The following NT5E variants were observed in gnomAD, a reference collection of about 807,000 sequenced individuals.
NT5E encodes the protein 5'-nucleotidase ecto, also known as 5'-nucleotidase.
A neutral mutation model predicts 55.1 loss-of-function variants in NT5E; 53 were observed. That is an observed-to-expected ratio of 0.96 (90% CI 0.77 to 1.21). NT5E has a LOEUF of 1.21. Among genes scored for constraint, NT5E ranks in the 50% most tolerant of loss-of-function variants. The pLI is 0.00. For missense variants in NT5E, 683 were observed against 724.3 expected (o/e 0.94, Z 0.65); for synonymous variants, 270 against 278.4 (o/e 0.97, Z 0.30).
chr6:85,459,765 G>A (rs1323050397), intron 1 of NT5E, among the ~76,000 whole-genome samples: 1 of 152,156 alleles, frequency 6.6e-6, no homozygotes, highest in East Asian at 1.9e-4. Flanking sequence ...CACCTTCTGG[G>A]GGTATTTGTC....
At chr6:85,466,691 G>A (rs1391720183) in intron 1 of NT5E, among the ~76,000 whole-genome samples, 1 of 152,126 alleles carries the variant, frequency 6.6e-6, no homozygotes, top group Non-Finnish European at 1.5e-5. Flanking sequence ...CCAGCAGATC[G>A]CGGCTTGAAT....
chr6:85,458,219 C>T lies in NT5E; in HGVS notation c.339+7741C>T, dbSNP rs1769024548. 3.3e-5 allele frequency among the ~76,000 whole-genome samples: 5 copies of T among 152,234 alleles called. 1 individual carries two copies. In the South Asian group the frequency reaches 1.0e-3, roughly 32 times the overall value. On this transcript the variant is annotated intron_variant, in intron 1 of 8. Transcript: ENST00000257770. ...GAAAGAGAGATTCTGTTTGCAATGA[C>T]ACTTTTAAAAAGGCAACAACAACCA...
At position 85,471,384 on chromosome 6, in the gene NT5E, A is replaced by T. The variant is rs1213570352; in HGVS notation, c.710A>T (p.Asp237Val). ...ATCGCTCAGAAAGTGAGGGGTGTGG[A>T]CGTCGTGGTGGGAGGACACTCCAAC... ...KLIAQKVRGV[D>V]VVVGGHSNTF... Residue 237 changes from aspartate to valine, a missense_variant, in exon 3 of 9, where the codon GAC becomes GTC. Physicochemically the swap from Asp to Val is radical, Grantham distance 152 (BLOSUM62 -3). Transcript: ENST00000257770. 6.2e-7 allele frequency: 1 copy of T among 1,612,864 alleles called. No individual in the cohort carries two copies. The highest frequency in any genetic ancestry group is 1.3e-5 in the African/African-American group (1 of 74,904).
At position 85,487,395 on chromosome 6, in the gene NT5E, A is replaced by G. The variant is rs1228859338; in HGVS notation, c.1010A>G (p.Gln337Arg). 1.2e-6 allele frequency: 2 copies of G among 1,613,938 alleles called. No homozygotes were observed. The highest frequency in any genetic ancestry group is 1.7e-6 in the Non-Finnish European group (2 of 1,179,778). ...WRIKLDNYSTQELGKTIVYLD... is the reference protein window; with the variant it reads ...WRIKLDNYSTRELGKTIVYLD... ...ATAAAATTGGATAATTATTCTACCC[A>G]GGAATTAGGGAAAACAATTGTCTAT... The change falls in exon 5 of 9, where the codon CAG becomes CGG. Residue 337 changes from glutamine to arginine, a missense_variant. By Grantham distance (43) the Gln-to-Arg change is conservative. Transcript: ENST00000257770.
intron 1 of NT5E, among the ~76,000 whole-genome samples, chr6:85,457,492 A>T (rs1357072359): frequency 1.3e-5 from 2 of 152,072 alleles, no homozygotes; most frequent in Non-Finnish European, 2.9e-5. Flanking sequence ...CTAAGTTTGC[A>T]TGACAACTCT....
chr6:85,480,980 T>C (rs1371088170), intron 3 of NT5E, among the ~76,000 whole-genome samples: 8 of 152,138 alleles, frequency 5.3e-5, no homozygotes, highest in Non-Finnish European at 1.2e-4. Flanking sequence ...CCCACCCAGC[T>C]GCATAGTTGA....
rs1364714736 is a variant in NT5E at position 85,495,450 on chromosome 6, T to C, written c.*1446T>C. ...GGAAGTATGTTTGTTTCTTAGTGTT[T>C]ACAAATATTAAGTACTCTTGATACA... On this transcript the variant is annotated 3_prime_UTR_variant, in exon 9 of 9. Transcript: ENST00000257770. The C allele has an allele frequency of 3.9e-5, 6 of 152,240 alleles. No individual in the cohort carries two copies. The highest frequency in any genetic ancestry group is 1.4e-4 in the African/African-American group (6 of 41,470). 9.4% of individuals were successfully genotyped at this position (152,240 alleles called of 1,614,324 possible). A position where few individuals can be genotyped will look rare whatever the true frequency, so the allele number is the denominator to read the frequency against.
At chr6:85,471,085 G>A (rs1769294527) in intron 2 of NT5E, 152 bp from the exon 3 acceptor site, 2 of 479,914 alleles carry the variant, frequency 4.2e-6, no homozygotes, top group Admixed American at 3.6e-5. Flanking sequence ...ACTTCTTAGG[G>A]GTTTTGTATT....
chr6:85,472,515 A>C (rs1280036894), intron 3 of NT5E, among the ~76,000 whole-genome samples: 1 of 152,230 alleles, frequency 6.6e-6, no homozygotes, highest in African/African-American at 2.4e-5. Context: ...CCCCATTCCT[A>C]ATTCACTTGA....
In NT5E at chr6:85,450,386, G is replaced by A. The variant is rs751170377; in HGVS notation, c.247G>A (p.Ala83Thr). ...CGAACCCAACGTGCTGCTGCTGGAC[G>A]CCGGCGACCAGTACCAGGGCACTAT... ...RAEPNVLLLD[A>T]GDQYQGTIWF... Residue 83 changes from alanine to threonine, a missense_variant, in exon 1 of 9, where the codon GCC becomes ACC. By Grantham distance (58) the Ala-to-Thr change is moderately conservative. Coordinates refer to ENST00000257770, the MANE Select transcript of NT5E (RefSeq NM_002526.4). The surrounding 1 kb of genome is among the most constrained non-coding windows in gnomAD (Gnocchi z 4.0). The A allele has an allele frequency of 1.2e-6, 2 of 1,600,268 alleles. No homozygotes were observed. Among genetic ancestry groups the A allele is most frequent in the Non-Finnish European group, 1.7e-6 (2 of 1,174,532 alleles).
At chr6:85,485,557 T>C (rs112428058) in intron 4 of NT5E, 125 bp downstream of exon 4, 1 of 1,004,408 alleles carries the variant, frequency 1.0e-6, no homozygotes, top group South Asian at 1.4e-5. Flanking sequence ...GAATTTAGTT[T>C]CTTCCTTGAG....
chr6:85,465,112 T>A (rs554710792), intron 1 of NT5E, among the ~76,000 whole-genome samples: 3 of 152,140 alleles, frequency 2.0e-5, no homozygotes, highest in Non-Finnish European at 4.4e-5. Flanking sequence ...TCCCACCACA[T>A]TGAGCACCAT....
At position 85,474,802 on chromosome 6, in the gene NT5E, C is replaced by A. The variant is rs138611552; in HGVS notation, c.751+3377C>A. 4.0e-3 allele frequency among the ~76,000 whole-genome samples: 601 copies of A among 152,144 alleles called. 4 individuals are homozygous for A. Among genetic ancestry groups the A allele is most frequent in the African/African-American group, 0.014 (582 of 41,508 alleles). On this transcript the variant is annotated intron_variant, in intron 3 of 8. Transcript: ENST00000257770. ...TTTAAAAATTAGCCAAGTGTAGGGG[C>A]ATATGCCTGTAGTCCCACCTACTCA...
chr6:85,458,716 T>G (rs1769034887), intron 1 of NT5E, among the ~76,000 whole-genome samples: 1 of 152,196 alleles, frequency 6.6e-6, no homozygotes, highest in Non-Finnish European at 1.5e-5. Context: ...CTCTAGCCCC[T>G]CAGAGATATA....
At chr6:85,458,305 A>C (rs1467355494) in intron 1 of NT5E, among the ~76,000 whole-genome samples, 1 of 152,222 alleles carries the variant, frequency 6.6e-6, no homozygotes, top group Non-Finnish European at 1.5e-5. Flanking sequence ...GGGGTTGTGG[A>C]TCCCCAACCT....
chr6:85,472,062 A>AT (rs2127721408), intron 3 of NT5E, among the ~76,000 whole-genome samples: 1 of 152,156 alleles, frequency 6.6e-6, no homozygotes, highest in South Asian at 2.1e-4. Context: ...CTCTTTTATG[A>AT]TTTTTCCACT....
chr6:85,455,857 C>A (rs1768979008), intron 1 of NT5E, among the ~76,000 whole-genome samples: 1 of 152,168 alleles, frequency 6.6e-6, no homozygotes, highest in South Asian at 2.1e-4. Context: ...CCACACACAT[C>A]TGGTCACAGA....
chr6:85,470,426 A>G (rs188692070), intron 2 of NT5E, among the ~76,000 whole-genome samples: 6 of 152,272 alleles, frequency 3.9e-5, no homozygotes, highest in Non-Finnish European at 8.8e-5. Flanking sequence ...GAGCTCAATA[A>G]TGCTCTAATG....
chr6:85,472,454 A>G (rs970664541), intron 3 of NT5E, among the ~76,000 whole-genome samples: 1 of 152,236 alleles, frequency 6.6e-6, no homozygotes, highest in African/African-American at 2.4e-5. Flanking sequence ...GCAATCGGAA[A>G]GCAAAATATA....
Sources: allele counts gnomAD v4.1 joint callset (sites outside exome capture counted in the v4.1 genomes callset), GRCh38; gene constraint gnomAD v4.1.1; non-coding constraint Gnocchi (gnomAD v3.1); transcripts MANE v1.5; gene names NCBI Gene and HGNC (gene_info 2026-07-23, HGNC 2026-07-21).